Variants in ZNF823 observed in about 807,000 individuals in gnomAD.
ZNF823 encodes zinc finger protein 823, also known as ZFP 36 for a zinc finger protein.
A neutral mutation model predicts 11.4 loss-of-function variants in ZNF823; 5 were observed. The observed-to-expected ratio is 0.44, with a 90% CI of 0.23 to 0.92. ZNF823 has a LOEUF of 0.92. Among genes scored for constraint, ZNF823 ranks in the 40% least tolerant of loss-of-function variants. The pLI is 0.24. For missense variants in ZNF823, 582 were observed against 738.5 expected (o/e 0.79, Z 2.46); for synonymous variants, 234 against 250.5 (o/e 0.93, Z 0.62).
Position 11,721,662 on chromosome 19 carries a change from G to C in ZNF823, c.*39C>G. The C allele has an allele frequency of 6.5e-7, 1 of 1,544,342 alleles. No individual in the cohort carries two copies. The highest frequency in any genetic ancestry group is 8.7e-7 in the Non-Finnish European group (1 of 1,145,850). ...CCAAAGTGAGTTCTTTCAAGTTTCTGAAATTAAAGTACTGAATGTTTTCCC... is the reference window on the plus strand; with the variant it reads ...CCAAAGTGAGTTCTTTCAAGTTTCTCAAATTAAAGTACTGAATGTTTTCCC... On this transcript the variant is annotated 3_prime_UTR_variant, in exon 4 of 4. Coordinates refer to ENST00000341191, the MANE Select transcript of ZNF823 (RefSeq NM_001080493.4).
intron 1 of ZNF823, chr19:11,730,639 T>C (rs1974876019): frequency 6.6e-6 from 1 of 151,982 alleles, no homozygotes; most frequent in Non-Finnish European, 1.5e-5. Context: ...TGAAAGGCCA[T>C]ACAGAAAAAA....
chr19:11,726,064 T>TA (rs1974782870), intron 1 of ZNF823: 2 of 72,466 alleles, frequency 2.8e-5, no homozygotes, highest in African/African-American at 8.3e-5. Flanking sequence ...CTTGTCTCTA[T>TA]AAAAAATACA....
chr19:11,724,903 C>A (rs1487902811), intron 2 of ZNF823, among the ~76,000 whole-genome samples: 1 of 152,040 alleles, frequency 6.6e-6, no homozygotes, highest in Non-Finnish European at 1.5e-5. Flanking sequence ...CCTTCCCAAG[C>A]CCACTTTACT....
chr19:11,733,106 C>A (rs564025285), intron 1 of ZNF823, among the ~76,000 whole-genome samples: 14 of 152,148 alleles, frequency 9.2e-5, no homozygotes, highest in Admixed American at 8.5e-4. Context: ...CAGCCGCTCA[C>A]GCCTGTAATC....
chr19:11,729,749 G>A (rs913908989), intron 1 of ZNF823, among the ~76,000 whole-genome samples: 1 of 152,086 alleles, frequency 6.6e-6, no homozygotes, highest in African/African-American at 2.4e-5. Flanking sequence ...TGGGCCATAA[G>A]GTGTCTACCA....
At position 11,721,504 on chromosome 19, in the gene ZNF823, C is replaced by G; in HGVS notation, c.*197G>C. On this transcript the variant is annotated 3_prime_UTR_variant, in exon 4 of 4. Transcript: ENST00000341191. ...GGTTACATGCAAATATGCCATATAA[C>G]AAAGGACTTGGCATCTGTGGATTTA... 1.8e-6 allele frequency: 1 copy of G among 561,512 alleles called. No homozygotes were observed. The highest frequency in any genetic ancestry group is 3.1e-6 in the Non-Finnish European group (1 of 321,852). 34.8% of individuals were successfully genotyped at this position (561,512 alleles called of 1,614,324 possible).
intron 1 of ZNF823, among the ~76,000 whole-genome samples, chr19:11,729,285 C>A (rs537834698): frequency 1.2e-3 from 179 of 152,058 alleles, no homozygotes; most frequent in Non-Finnish European, 2.1e-3. Flanking sequence ...GGAATATATG[C>A]CATTCTAGCC....
chr19:11,738,055 C>A (rs1461226205), intron 1 of ZNF823, among the ~76,000 whole-genome samples: 1 of 152,200 alleles, frequency 6.6e-6, no homozygotes, highest in Non-Finnish European at 1.5e-5. Context: ...GAACTGCGAG[C>A]CAGGCTGGAG....
At position 11,723,340 on chromosome 19, in the gene ZNF823, C is replaced by G. The variant is rs1465442224; in HGVS notation, c.194G>C (p.Ser65Thr). The change falls in exon 4 of 4, where the codon AGT (serine) becomes ACT (threonine). Residue 65 changes from serine (S) to threonine (T), a missense_variant and splice_region_variant. Transcript: ENST00000341191. ...QCQNAKRNLR[S>T]HTCEIKDDSQ... ...GTCATCTTTAATTTCACATGTATGA[C>G]TTCTGTAACAAATAAGAAATATATT... The G allele has an allele frequency of 6.3e-7, 1 of 1,594,236 alleles. No homozygotes were observed. The highest frequency in any genetic ancestry group is 1.3e-5 in the African/African-American group (1 of 74,120).
intron 1 of ZNF823, among the ~76,000 whole-genome samples, chr19:11,738,544 A>ACGCGGAGCTGCGGG (rs759649477): frequency 3.3e-5 from 5 of 152,156 alleles, no homozygotes; most frequent in African/African-American, 1.2e-4. Flanking sequence ...ATCTGGGGAG[A>ACGCGGAGCTGCGGG]CGCGGAGCTG....
rs201977284 is a variant in ZNF823, at chr19:11,738,920, G to A, written c.-101C>T. 84 of 1,455,726 alleles carry A rather than the reference G, an allele frequency of 5.8e-5. No homozygotes were observed. In the African/African-American group the frequency reaches 5.8e-4, roughly 10 times the overall value. The allele number at this position is 1,455,726 out of a possible 1,614,324, so 90.2% of individuals were successfully genotyped here. A position where few individuals can be genotyped will look rare whatever the true frequency, so the allele number is the denominator to read the frequency against. ...CCTTCCAGGGCGTCTCTCTCTCAGC[G>A]CCAGAGCCAGGACTCAGAGCGCAGG... On this transcript the variant is annotated 5_prime_UTR_variant, in exon 1 of 4. Coordinates refer to ENST00000341191, the MANE Select transcript of ZNF823 (RefSeq NM_001080493.4).
chr19:11,734,251 A>AG (rs1284225984), intron 1 of ZNF823, among the ~76,000 whole-genome samples: 4 of 151,870 alleles, frequency 2.6e-5, no homozygotes, highest in South Asian at 2.1e-4. Context: ...AAAAAAAAAA[A>AG]AAAGAAAGAA....
intron 3 of ZNF823, among the ~76,000 whole-genome samples, chr19:11,723,946 T>C (rs1239563986): frequency 6.6e-6 from 1 of 152,094 alleles, no homozygotes; most frequent in Non-Finnish European, 1.5e-5. Flanking sequence ...TTTTTTTTTA[T>C]AGAGATGGGG....
intron 1 of ZNF823, chr19:11,725,828 C>T (rs957789043): frequency 6.4e-6 from 1 of 155,410 alleles, no homozygotes; most frequent in African/African-American, 2.4e-5. Context: ...GGCATGGTGA[C>T]TTAGGCCTGC....
At chr19:11,725,022 CGGGGGACAAAAAAAGTTATT>C (rs1464212701) in intron 2 of ZNF823, among the ~76,000 whole-genome samples, 159 bp downstream of exon 2, 1 of 151,952 alleles carries the variant, frequency 6.6e-6, no homozygotes, top group Non-Finnish European at 1.5e-5. Flanking sequence ...GGTTAAGTTG[CGGGGGACAAAAAAAGTTATT>C]AGAGGATGTA....
intron 1 of ZNF823, among the ~76,000 whole-genome samples, chr19:11,729,369 G>A (rs1051734373): frequency 1.4e-4 from 21 of 152,016 alleles, no homozygotes; most frequent in Non-Finnish European, 8.8e-5. Context: ...AAGATACAGG[G>A]GATGAAGAGA....
rs534080760 is a variant in ZNF823, at chr19:11,735,329, G to A, written c.3+3488C>T. On this transcript the variant is annotated intron_variant, in intron 1 of 3. Transcript: ENST00000341191. ...AAGCAATTTTCTGCCTAAACTTTGA[G>A]ATTCTTGTAGATCTTATAGTTGGTA... 9.3e-5 allele frequency among the ~76,000 whole-genome samples: 14 copies of A among 150,372 alleles called. No individual in the cohort carries two copies. The South Asian group carries it at 3.0e-3, about 32-fold the overall frequency.
At chr19:11,731,237 G>T (rs1318421164) in intron 1 of ZNF823, among the ~76,000 whole-genome samples, 1 of 151,916 alleles carries the variant, frequency 6.6e-6, no homozygotes, top group Non-Finnish European at 1.5e-5. Flanking sequence ...GCTTGAACCC[G>T]GGAGGCAGAG....
chr19:11,723,211 A>G lies in ZNF823; in HGVS notation c.323T>C (p.Leu108Ser), dbSNP rs1974727054. ...CDSGECGEVV[L>S]GHSSLNCNIR... ...GTTGCAATTAAGAGACGAATGACCC[A>G]AGACGACTTCTCCACACTCACCACT... Residue 108 changes from leucine to serine, a missense_variant, in exon 4 of 4, where the codon TTG becomes TCG. Around this residue, in one of 3 missense-constraint regions of ZNF823, gnomAD observed 429 missense variants for 553.7 expected, o/e 0.77. Coordinates refer to ENST00000341191, the MANE Select transcript of ZNF823 (RefSeq NM_001080493.4). 6.2e-7 allele frequency: 1 copy of G among 1,614,100 alleles called. No homozygotes were observed. The highest frequency in any genetic ancestry group is 8.5e-7 in the Non-Finnish European group (1 of 1,179,994).
Sources: gnomAD v4.1 joint callset for allele counts (sites outside exome capture counted in the v4.1 genomes callset) on GRCh38, gnomAD v4.1.1 for gene constraint, gnomAD v4.1.1 regional missense constraint, MANE v1.5 for transcripts, NCBI Gene and HGNC (gene_info 2026-07-23, HGNC 2026-07-21) for gene names.